The following USP43 variants were observed in gnomAD, a reference collection of about 807,000 sequenced individuals.
USP43 encodes ubiquitin carboxyl-terminal hydrolase 43.
A neutral mutation model predicts 90.7 loss-of-function variants in USP43; 33 were observed. The observed-to-expected ratio is 0.36, with a 90% CI of 0.28 to 0.49. The LOEUF (loss-of-function observed/expected upper bound fraction) is 0.49, where lower values mean the gene tolerates loss of function less well. USP43 is among the 20% of genes least tolerant of loss of function. The pLI is 0.98. For synonymous variants in USP43, 598 were observed against 615.8 expected (o/e 0.97, Z 0.43); for missense variants, 1,274 against 1,476.4 (o/e 0.86, Z 2.25).
intron 14 of USP43, among the ~76,000 whole-genome samples, chr17:9,727,274 C>T (rs1304302042): frequency 6.6e-6 from 1 of 152,076 alleles, no homozygotes; most frequent in Non-Finnish European, 1.5e-5. Flanking sequence ...CTTGGTTGTA[C>T]ATATGTTCCT....
chr17:9,666,135 T>C (rs893087608), intron 2 of USP43, among the ~76,000 whole-genome samples: 1 of 152,158 alleles, frequency 6.6e-6, no homozygotes, highest in Non-Finnish European at 1.5e-5. Context: ...AGGAAGCTTG[T>C]GTACCAAATT....
Position 9,727,435 on chromosome 17 carries a change from T to C in USP43, c.2336-519T>C, listed in dbSNP as rs1286152043. Among the ~76,000 whole-genome samples the C allele has an allele frequency of 3.3e-5, 5 of 152,214 alleles. No homozygotes were observed. In the East Asian group the frequency reaches 9.6e-4, roughly 29 times the overall value. ...TGCATGCATAATACATGCACGTGTA[T>C]ATATTTTTACAAGTTGTATAGGTTG... On this transcript the variant is annotated intron_variant, in intron 14 of 14. Transcript: ENST00000285199.
At position 9,652,486 on chromosome 17, in the gene USP43, C is replaced by T. The variant is rs372902749; in HGVS notation, c.505-3917C>T. ...AAGTGATTCTTCTGTCTCAGCCTCC[C>T]GAGTAGCTGGGACTACAGGTGCCCG... On this transcript the variant is annotated intron_variant, in intron 1 of 14. Coordinates refer to ENST00000285199, the MANE Select transcript of USP43 (RefSeq NM_153210.5). Among the ~76,000 whole-genome samples the T allele has an allele frequency of 2.4e-3, 367 of 152,036 alleles. 2 individuals are homozygous for T. Among genetic ancestry groups the T allele is most frequent in the Middle Eastern group, 0.014 (4 of 294 alleles).
rs1438579728 is a variant in USP43 at position 9,701,354 on chromosome 17, G to A, written c.1665G>A (p.Leu555=). The A allele has an allele frequency of 6.3e-7, 1 of 1,594,532 alleles. No homozygotes were observed. The highest frequency in any genetic ancestry group is 8.5e-7 in the Non-Finnish European group (1 of 1,170,570). The change falls in exon 12 of 15, where the codon CTG becomes CTA. Residue 555 remains leucine, a splice_region_variant and synonymous_variant. Transcript: ENST00000285199. The surrounding 1 kb of genome is among the most constrained non-coding windows in gnomAD (Gnocchi z 7.2). ...AGTCCGGGTGGTTTGCTTTCCAGCT[G>A]GCCCAGGATGACGCCTGGAAGTGTC... ...CFQFYTKEEQ[L]AQDDAWKCPH...
chr17:9,649,379 T>C (rs1046223348), intron 1 of USP43, among the ~76,000 whole-genome samples: 1 of 152,158 alleles, frequency 6.6e-6, no homozygotes, highest in African/African-American at 2.4e-5. Context: ...TTTTAAATTT[T>C]ATATTTTTAT....
rs867357491 is a variant in USP43 at position 9,717,393 on chromosome 17, A to G, written c.2335+5261A>G. ...TGTGTGTGTGTGTGTGTGTGTGTGT[A>G]TTCATCAGCTGCTTATTTCTTTATA... On this transcript the variant is annotated intron_variant, in intron 14 of 14. Coordinates refer to ENST00000285199, the MANE Select transcript of USP43 (RefSeq NM_153210.5). Among the ~76,000 whole-genome samples, 160 of 144,660 alleles carry G rather than the reference A, an allele frequency of 1.1e-3. 2 individuals carry two copies. The highest frequency in any genetic ancestry group is 4.2e-3 in the African/African-American group (156 of 36,860). 94.9% of individuals were successfully genotyped at this position (144,660 alleles called of 152,430 possible).
intron 13 of USP43, among the ~76,000 whole-genome samples, chr17:9,711,115 AATAAAG>A (rs1333872369): frequency 6.6e-6 from 1 of 152,194 alleles, no homozygotes; most frequent in Non-Finnish European, 1.5e-5. Context: ...TGTCCAGTAT[AATAAAG>A]ATAATGTATC....
intron 4 of USP43, among the ~76,000 whole-genome samples, chr17:9,675,617 C>T (rs908148312): frequency 6.6e-6 from 1 of 152,034 alleles, no homozygotes; most frequent in East Asian, 1.9e-4. Context: ...TCTTTATGTT[C>T]CCCACCTCCT....
chr17:9,682,784 C>T, intron 6 of USP43, 39 bp from the exon 7 acceptor site: 1 of 1,606,080 alleles, frequency 6.2e-7, no homozygotes, highest in Non-Finnish European at 8.5e-7. Flanking sequence ...AAAGCAGCTC[C>T]TTTAGGAATA....
chr17:9,702,326 G>A (rs1915622506), intron 12 of USP43, among the ~76,000 whole-genome samples: 1 of 152,150 alleles, frequency 6.6e-6, no homozygotes, highest in Non-Finnish European at 1.5e-5. Context: ...CTCCAGCCTG[G>A]GCAACAGAGC....
chr17:9,686,746 A>T lies in USP43; in HGVS notation c.1242-52A>T. 6.6e-7 allele frequency: 1 copy of T among 1,506,822 alleles called. No individual in the cohort carries two copies. Among genetic ancestry groups the T allele is most frequent in the Non-Finnish European group, 9.2e-7 (1 of 1,091,360 alleles). 93.3% of individuals were successfully genotyped at this position (1,506,822 alleles called of 1,614,324 possible). On this transcript the variant is annotated intron_variant, in intron 7 of 14. Coordinates refer to ENST00000285199, the MANE Select transcript of USP43 (RefSeq NM_153210.5). The surrounding 1 kb of genome is among the most constrained non-coding windows in gnomAD (Gnocchi z 5.5). ...TAGAACAACCACTCATGACTGGTGG[A>T]TGTTGCTGGTTTTTCCTTTGCTGGG...
intron 5 of USP43, among the ~76,000 whole-genome samples, chr17:9,678,419 C>A (rs577196768): frequency 6.6e-6 from 1 of 152,138 alleles, no homozygotes; most frequent in Non-Finnish European, 1.5e-5. Context: ...TGCAGTGGCA[C>A]GATCTCGGCT....
At chr17:9,680,414 G>T (rs1438243614) in intron 6 of USP43, 48 bp downstream of exon 6, 1 of 1,602,848 alleles carries the variant, frequency 6.2e-7, no homozygotes, top group South Asian at 1.1e-5. Context: ...ATGAGTTACA[G>T]GTTTCAGAGG....
chr17:9,655,401 C>T (rs1050448164), intron 1 of USP43, among the ~76,000 whole-genome samples: 9 of 152,206 alleles, frequency 5.9e-5, no homozygotes, highest in African/African-American at 2.2e-4. Context: ...GTGGCTGTCC[C>T]CTGAGAAGGG....
intron 7 of USP43, among the ~76,000 whole-genome samples, chr17:9,684,763 C>CAAAAAAAA (rs34404550): frequency 1.5e-5 from 1 of 65,816 alleles, no homozygotes; most frequent in Non-Finnish European, 3.2e-5. Flanking sequence ...AACTCCATCT[C>CAAAAAAAA]AAAAAAAAAA....
Position 9,645,778 on chromosome 17 carries a change from A to T in USP43, c.146A>T (p.Gln49Leu), listed in dbSNP as rs1189274867. 1.4e-6 allele frequency: 2 copies of T among 1,395,400 alleles called. No homozygotes were observed. The highest frequency in any genetic ancestry group is 1.8e-6 in the Non-Finnish European group (2 of 1,082,902). 86.4% of individuals were successfully genotyped at this position (1,395,400 alleles called of 1,614,324 possible). ...CCCGGGGACTCACCGCCCCGGCCCC[A>T]GCCGGGACACTGTGATGGCGACGGT... The part of the protein sequence containing the change: ...SRPGDSPPRP[Q>L]PGHCDGDGEG... Residue 49 changes from glutamine to leucine, a missense_variant, in exon 1 of 15, where the codon CAG becomes CTG. Gln to Leu is a moderately radical substitution (Grantham distance 113). This residue lies in a region of USP43 where 112 missense variants were observed against 106.6 expected (regional missense o/e 1.05). Transcript: ENST00000285199. This position sits in a 1 kb window ranked among gnomAD's most constrained non-coding sequence, Gnocchi z 6.8.
At chr17:9,703,640 C>T (rs371338088) in intron 12 of USP43, among the ~76,000 whole-genome samples, 2 of 152,064 alleles carry the variant, frequency 1.3e-5, no homozygotes, top group Non-Finnish European at 2.9e-5. Flanking sequence ...ACTGGCGAGG[C>T]GGTAGGCAGG....
chr17:9,657,082 G>A (rs902331374), intron 2 of USP43, among the ~76,000 whole-genome samples: 7 of 152,196 alleles, frequency 4.6e-5, no homozygotes, highest in African/African-American at 1.2e-4. Flanking sequence ...TACATCAGGC[G>A]CAGTCTTTAT....
chr17:9,719,426 C>A (rs879803586), intron 14 of USP43, among the ~76,000 whole-genome samples: 6 of 152,142 alleles, frequency 3.9e-5, no homozygotes, highest in Non-Finnish European at 8.8e-5. Flanking sequence ...GTCCTGCAGA[C>A]CCTTGCAGGC....
Sources: allele counts gnomAD v4.1 joint callset (sites outside exome capture counted in the v4.1 genomes callset), GRCh38; gene constraint gnomAD v4.1.1; regional missense constraint gnomAD v4.1.1; non-coding constraint Gnocchi (gnomAD v3.1); transcripts MANE v1.5; gene names NCBI Gene and HGNC (gene_info 2026-07-23, HGNC 2026-07-21).